INSL6: variants seen among roughly 807,000 people sequenced by gnomAD.
The protein encoded by INSL6 is insulin-like peptide INSL6.
INSL6 carries 16 observed loss-of-function variants against 9.4 expected under a neutral mutation model. That is an observed-to-expected ratio of 1.70 (90% CI 1.15 to 2.59). The LOEUF is 2.59. Ranked by LOEUF, INSL6 falls within the 30% of genes most tolerant of loss-of-function variation. The pLI, the probability that INSL6 is intolerant of heterozygous loss-of-function variation, is 0.00. For synonymous variants in INSL6, 154 were observed against 96.9 expected (o/e 1.59, Z -3.46); for missense variants, 391 against 257.3 (o/e 1.52, Z -3.56).
the INSL6 span, among the ~76,000 whole-genome samples, chr9:5,027,280 G>A: frequency 1.1e-3 from 162 of 152,288 alleles, 2 homozygotes; most frequent in East Asian, 0.011. Context: ...CAAATCACAT[G>A]AAGTTTTAGG....
At chr9:5,170,060 TA>T (rs1378422775) in intron 1 of INSL6, among the ~76,000 whole-genome samples, 1 of 152,094 alleles carries the variant, frequency 6.6e-6, no homozygotes, top group Admixed American at 6.6e-5. Context: ...ACAACAGATA[TA>T]GATTCTTCTT....
At chr9:5,089,605 ATTATAAAAT>A in the INSL6 span, 10 of 644,148 alleles carry the variant, frequency 1.6e-5, no homozygotes, top group Non-Finnish European at 1.9e-5. Context: ...TTTCTATATA[ATTATAAAAT>A]TTATTTGTAA....
intron 2 of INSL6, among the ~76,000 whole-genome samples, chr9:5,143,697 T>TC (rs1824546936): frequency 6.6e-6 from 1 of 151,920 alleles, no homozygotes; most frequent in African/African-American, 2.4e-5. Flanking sequence ...TCTCACTCTG[T>TC]TGCCCAGGCT....
chr9:5,140,359 T>A (rs1017003129), intron 2 of INSL6, among the ~76,000 whole-genome samples: 1 of 152,122 alleles, frequency 6.6e-6, no homozygotes, highest in East Asian at 1.9e-4. Flanking sequence ...ACACTTATAT[T>A]AGTCATCAGA....
chr9:5,176,739 T>C (rs939988444), intron 1 of INSL6, among the ~76,000 whole-genome samples: 2 of 149,382 alleles, frequency 1.3e-5, no homozygotes, highest in South Asian at 2.1e-4. Flanking sequence ...AAAAATGGTA[T>C]AAGTTTAGCA....
chr9:5,173,776 T>C (rs1384567973), intron 1 of INSL6, among the ~76,000 whole-genome samples: 1 of 141,358 alleles, frequency 7.1e-6, no homozygotes, highest in African/African-American at 2.7e-5. Flanking sequence ...AAAATAAAAT[T>C]AAAAAAAAAA....
At chr9:5,049,090 C>G in the INSL6 span, among the ~76,000 whole-genome samples, 1 of 152,130 alleles carries the variant, frequency 6.6e-6, no homozygotes, top group African/African-American at 2.4e-5. Flanking sequence ...ATAAAGTTAT[C>G]AGCCTTTTTT....
chr9:5,025,152 G>C, the INSL6 span, among the ~76,000 whole-genome samples: 1 of 150,474 alleles, frequency 6.6e-6, no homozygotes, highest in Non-Finnish European at 1.5e-5. Context: ...TTTTTTTCCT[G>C]TTTCTGGGAG....
chr9:5,103,902 G>C, the INSL6 span, among the ~76,000 whole-genome samples: 1 of 151,936 alleles, frequency 6.6e-6, no homozygotes, highest in Non-Finnish European at 1.5e-5. Context: ...AGAATCTCTG[G>C]GACATATTTA....
the INSL6 span, among the ~76,000 whole-genome samples, chr9:5,106,521 A>C: frequency 6.6e-6 from 1 of 152,158 alleles, no homozygotes; most frequent in Admixed American, 6.5e-5. Context: ...AACTAGAAAT[A>C]CCATTTGACC....
intron 2 of INSL6, among the ~76,000 whole-genome samples, chr9:5,149,445 C>T (rs1288997109): frequency 6.6e-6 from 1 of 152,104 alleles, no homozygotes; most frequent in African/African-American, 2.4e-5. Flanking sequence ...TTTCTATACA[C>T]CAATAATGAT....
At chr9:5,054,984 C>G in the INSL6 span, 1 of 821,608 alleles carries the variant, frequency 1.2e-6, no homozygotes, top group Non-Finnish European at 1.9e-6. This position sits in a 1 kb window ranked among gnomAD's most constrained non-coding sequence, Gnocchi z 4.9. Context: ...TTGCACTTCT[C>G]CCATTTGATA....
chr9:5,110,129 A>G, the INSL6 span: 4 of 152,232 alleles, frequency 2.6e-5, no homozygotes, highest in Admixed American at 6.5e-5. Flanking sequence ...CAGCAGCAGG[A>G]AAGTCAGCTA....
the INSL6 span, chr9:5,040,878 G>C: frequency 1.1e-5 from 3 of 276,266 alleles, no homozygotes; most frequent in South Asian, 6.3e-5. Context: ...GCGCGGATCC[G>C]CGCCGCGCTG....
At chr9:5,089,688 T>C in the INSL6 span, 4,254 of 1,396,506 alleles carry the variant, frequency 3.0e-3, 106 homozygotes, top group African/African-American at 0.055. Context: ...ATTTTGGGAG[T>C]GTGGAGATGT....
At chr9:5,082,001 A>C in the INSL6 span, 1 of 698,738 alleles carries the variant, frequency 1.4e-6, no homozygotes, top group South Asian at 2.0e-5. Context: ...ATGTTGGAGA[A>C]ATGCTGTGTT....
the INSL6 span, among the ~76,000 whole-genome samples, chr9:4,994,379 A>C: frequency 1.3e-5 from 2 of 152,186 alleles, no homozygotes; most frequent in African/African-American, 2.4e-5. Flanking sequence ...ATTGAAACAC[A>C]AATTGCCGCT....
the INSL6 span, among the ~76,000 whole-genome samples, chr9:5,017,915 A>C: frequency 2.6e-5 from 4 of 152,132 alleles, no homozygotes; most frequent in Admixed American, 2.0e-4. Context: ...TGTGACTTAA[A>C]GTCTGTTGTA....
chr9:5,133,631 C>CA (rs1434746134), intron 2 of INSL6: 1 of 152,078 alleles, frequency 6.6e-6, no homozygotes, highest in Non-Finnish European at 1.5e-5. Context: ...GGAAAACTAA[C>CA]AAACAGAAAG....
Sources: gnomAD v4.1 joint callset for allele counts (sites outside exome capture counted in the v4.1 genomes callset) on GRCh38, gnomAD v4.1.1 for gene constraint, Gnocchi (gnomAD v3.1) non-coding constraint, MANE v1.5 for transcripts, NCBI Gene and HGNC (gene_info 2026-07-23, HGNC 2026-07-21) for gene names.